The following GLG1 variants were observed in gnomAD, a reference collection of about 807,000 sequenced individuals.
GLG1 encodes golgi glycoprotein 1, also known as Golgi apparatus protein 1.
In GLG1, 38 loss-of-function variants were observed where a neutral mutation model predicts 160.5. The observed-to-expected ratio is 0.24, with a 90% CI of 0.18 to 0.31. The LOEUF is 0.31. Among genes scored for constraint, GLG1 ranks in the 10% least tolerant of loss-of-function variants. GLG1 has a pLI of 1.00. For missense variants in GLG1, 1,373 were observed against 1,505.2 expected, an observed-to-expected ratio of 0.91 and a Z score of 1.45; for synonymous variants, 644 against 543.4, an observed-to-expected ratio of 1.19 and a Z score of -2.57.
rs751908451 is a variant in GLG1, at chr16:74,463,375, G to T, written c.2772C>A (p.Arg924=). 1 of 1,614,084 alleles carries T rather than the reference G, an allele frequency of 6.2e-7. No individual in the cohort carries two copies. The highest frequency in any genetic ancestry group is 8.5e-7 in the Non-Finnish European group (1 of 1,179,996). Residue 924 remains arginine (R), a synonymous_variant, in exon 20 of 26, where the codon CGC becomes CGA. Coordinates refer to ENST00000422840, the MANE Select transcript of GLG1 (RefSeq NM_001145667.2). ...DPKCKQMITK[R]QITQNTDYRL... ...TCTTACCTGTGTTCTGGGTGATCTG[G>T]CGCTTGGTTATCATCTGTTTGCATT...
chr16:74,492,289 C>CT (rs1486955013), intron 7 of GLG1, among the ~76,000 whole-genome samples: 2 of 150,788 alleles, frequency 1.3e-5, no homozygotes, highest in East Asian at 2.0e-4. Context: ...AGAGGCTGAA[C>CT]TAGGGAGTCG....
chr16:74,571,917 T>C (rs562605044), intron 1 of GLG1, among the ~76,000 whole-genome samples: 77 of 152,334 alleles, frequency 5.1e-4, no homozygotes, highest in African/African-American at 1.8e-3. Context: ...TGTGATACTG[T>C]GGAATAGATA....
At chr16:74,576,331 A>G (rs1231804823) in intron 1 of GLG1, among the ~76,000 whole-genome samples, 2 of 152,242 alleles carry the variant, frequency 1.3e-5, no homozygotes, top group Non-Finnish European at 2.9e-5. Flanking sequence ...CAAGACATAT[A>G]AAGAGAATAC....
chr16:74,602,243 G>C (rs1051126659), intron 1 of GLG1, among the ~76,000 whole-genome samples: 1 of 152,052 alleles, frequency 6.6e-6, no homozygotes. Flanking sequence ...TTAGAGCATG[G>C]CTACAAATTT....
At chr16:74,584,811 G>C (rs1335780302) in intron 1 of GLG1, among the ~76,000 whole-genome samples, 1 of 152,088 alleles carries the variant, frequency 6.6e-6, no homozygotes, top group Non-Finnish European at 1.5e-5. Context: ...AGCTACTTGG[G>C]AGGCTGAGGC....
intron 12 of GLG1, among the ~76,000 whole-genome samples, chr16:74,476,681 C>T (rs962293638): frequency 1.1e-4 from 16 of 152,138 alleles, no homozygotes; most frequent in Admixed American, 4.6e-4. Context: ...TTCCCTTAAA[C>T]TGGGACACAA....
chr16:74,557,753 CTT>C (rs202239553), intron 1 of GLG1, among the ~76,000 whole-genome samples: 1 of 143,834 alleles, frequency 7.0e-6, no homozygotes, highest in African/African-American at 2.5e-5. Context: ...TCCTGTGTGT[CTT>C]TTTTTTTTTT....
chr16:74,536,858 C>T (rs1187821298), intron 1 of GLG1, among the ~76,000 whole-genome samples: 1 of 152,144 alleles, frequency 6.6e-6, no homozygotes, highest in Non-Finnish European at 1.5e-5. Context: ...CTACCTCTAC[C>T]TGCATTCTTC....
intron 1 of GLG1, among the ~76,000 whole-genome samples, chr16:74,582,070 T>C (rs1427002199): frequency 6.6e-6 from 1 of 152,230 alleles, no homozygotes; most frequent in Admixed American, 6.5e-5. Flanking sequence ...TCTCTACTGG[T>C]TCCCTGTTTC....
intron 1 of GLG1, among the ~76,000 whole-genome samples, chr16:74,590,795 C>CAAAAAAAAAAAAA (rs71158529): frequency 1.0e-4 from 7 of 68,942 alleles, no homozygotes; most frequent in Admixed American, 1.8e-4. Context: ...GAAACTGTCT[C>CAAAAAAAAAAAAA]AAAAAAAAAA....
chr16:74,505,452 G>A (rs1448789204), intron 3 of GLG1, among the ~76,000 whole-genome samples: 1 of 152,174 alleles, frequency 6.6e-6, no homozygotes, highest in African/African-American at 2.4e-5. Context: ...GGGCACGGTG[G>A]CTCATGTCCG....
At chr16:74,588,765 C>A (rs1201442545) in intron 1 of GLG1, among the ~76,000 whole-genome samples, 1 of 152,026 alleles carries the variant, frequency 6.6e-6, no homozygotes, top group Non-Finnish European at 1.5e-5. Context: ...CTATCTGATT[C>A]GTGGTTTTTC....
chr16:74,555,038 C>T (rs1200869715), intron 1 of GLG1, among the ~76,000 whole-genome samples: 2 of 152,154 alleles, frequency 1.3e-5, no homozygotes, highest in Non-Finnish European at 2.9e-5. Flanking sequence ...ATAATAAAAA[C>T]ATATAATTGC....
At chr16:74,514,839 A>G (rs2016927752) in intron 2 of GLG1, among the ~76,000 whole-genome samples, 1 of 152,164 alleles carries the variant, frequency 6.6e-6, no homozygotes, top group African/African-American at 2.4e-5. Context: ...AAAAGACACA[A>G]ACTGGCAAAC....
intron 1 of GLG1, among the ~76,000 whole-genome samples, chr16:74,541,901 G>A (rs904720075): frequency 6.6e-6 from 1 of 151,414 alleles, no homozygotes; most frequent in African/African-American, 2.4e-5. Context: ...GGTCATTCCA[G>A]TTTAGGATAT....
Position 74,508,926 on chromosome 16 carries a change from C to A in GLG1, c.472-1G>T. On this transcript the variant is annotated splice_acceptor_variant, in intron 2 of 25. Coordinates refer to ENST00000422840, the MANE Select transcript of GLG1 (RefSeq NM_001145667.2). LOFTEE classifies it high-confidence loss of function. ...GGTTCAGCTTATAATTCCACAACAA[C>A]TAGATAGGAGAGGAAAAAAAAAAAC... 2 of 1,267,178 alleles carry A rather than the reference C, an allele frequency of 1.6e-6. No individual in the cohort carries two copies. The highest frequency in any genetic ancestry group is 1.1e-6 in the Non-Finnish European group (1 of 869,892). 78.5% of individuals were successfully genotyped at this position (1,267,178 alleles called of 1,614,324 possible).
rs746237045 is a variant in GLG1 at position 74,467,748 on chromosome 16, A to G, written c.2529+8T>C. The G allele has an allele frequency of 2.5e-6, 4 of 1,580,966 alleles. No homozygotes were observed. The highest frequency in any genetic ancestry group is 3.5e-6 in the Non-Finnish European group (4 of 1,153,026). Reference sequence around the variant, plus strand: ...TTTTACAATTACAAAAGAAAAGCAAAAAGTTACCTGAGCGTTGCCATATTG... The same window carrying G: ...TTTTACAATTACAAAAGAAAAGCAAGAAGTTACCTGAGCGTTGCCATATTG... On this transcript the variant is annotated splice_region_variant and intron_variant, in intron 18 of 25. Transcript: ENST00000422840.
Position 74,470,062 on chromosome 16 carries a change from C to G in GLG1, c.2241G>C (p.Lys747Asn). Residue 747 changes from lysine to asparagine, a missense_variant, in exon 16 of 26, where the codon AAG (lysine) becomes AAC (asparagine). Lys to Asn is a moderately conservative substitution (Grantham distance 94). This residue lies in a region of GLG1 where 491 missense variants were observed against 632.1 expected (regional missense o/e 0.78). Coordinates refer to ENST00000422840, the MANE Select transcript of GLG1 (RefSeq NM_001145667.2). The stretch of plus-strand genomic sequence containing the variant: ...TAAACTTGTAAGAAAACCGAAAATC[C>G]TTCATCTGCACCTGAAAGGTAAAGA... ...GVTHFQLVQM[K>N]DFRFSYKFKM... is the part of the protein sequence containing the mutation. The G allele has an allele frequency of 3.1e-6, 5 of 1,599,978 alleles. No homozygotes were observed. Among genetic ancestry groups the G allele is most frequent in the Non-Finnish European group, 4.3e-6 (5 of 1,167,508 alleles).
chr16:74,595,409 C>T (rs553701386), intron 1 of GLG1, among the ~76,000 whole-genome samples: 1 of 151,520 alleles, frequency 6.6e-6, no homozygotes, highest in Non-Finnish European at 1.5e-5. Flanking sequence ...TGGTGGCGGG[C>T]GCCTGTAGTC....
Sources: gnomAD v4.1 joint callset for allele counts (sites outside exome capture counted in the v4.1 genomes callset) on GRCh38, gnomAD v4.1.1 for gene constraint, gnomAD v4.1.1 regional missense constraint, MANE v1.5 for transcripts, NCBI Gene and HGNC (gene_info 2026-07-23, HGNC 2026-07-21) for gene names.